KLB: variants seen among roughly 807,000 people sequenced by gnomAD.
The protein encoded by KLB is beta-klotho.
Under a neutral mutation model 88.4 loss-of-function variants are expected in KLB, and 44 were observed. The ratio of observed to expected loss-of-function variants is 0.50; its 90% CI spans 0.39 to 0.64. KLB has a LOEUF of 0.64. Ranked by LOEUF, KLB falls within the 30% of genes least tolerant of loss-of-function variation. The probability of loss-of-function intolerance (pLI) is 0.00; values close to 1 mark genes in which losing one functional copy is unlikely to be tolerated. For missense variants in KLB, 1,137 were observed against 1,304.8 expected, an observed-to-expected ratio of 0.87 and a Z score of 1.98; for synonymous variants, 548 against 513.4, an observed-to-expected ratio of 1.07 and a Z score of -0.91.
intron 1 of KLB, among the ~76,000 whole-genome samples, chr4:39,431,178 C>T (rs1422090872): frequency 4.6e-5 from 7 of 150,772 alleles, no homozygotes. Flanking sequence ...AATCTTCCCA[C>T]CTTGGCCTCC....
intron 1 of KLB, among the ~76,000 whole-genome samples, chr4:39,424,878 C>T (rs886343081): frequency 1.3e-5 from 2 of 152,098 alleles, no homozygotes; most frequent in African/African-American, 4.8e-5. Context: ...ATCCACCCGC[C>T]TCGGCCTCCC....
At chr4:39,419,938 T>A (rs1743044358) in intron 1 of KLB, among the ~76,000 whole-genome samples, 1 of 74,462 alleles carries the variant, frequency 1.3e-5, no homozygotes, top group African/African-American at 7.1e-5. Context: ...GAACAAAACT[T>A]CATCTCAAAA....
At chr4:39,409,444 C>T (rs1440200883) in intron 1 of KLB, among the ~76,000 whole-genome samples, 2 of 151,406 alleles carry the variant, frequency 1.3e-5, no homozygotes, top group East Asian at 4.0e-4. Context: ...AGGCACATGC[C>T]ACCAGCCCAG....
chr4:39,433,903 C>G (rs1408267612), intron 1 of KLB, among the ~76,000 whole-genome samples: 2 of 152,054 alleles, frequency 1.3e-5, no homozygotes, highest in Non-Finnish European at 2.9e-5. Flanking sequence ...TGCTATGTAT[C>G]TTCTTATGTA....
In KLB at chr4:39,434,650, C is replaced by G; in HGVS notation, c.1266C>G (p.Asp422Glu). ...TTGCTGAGAATGGCTGGTTCACAGA[C>G]AGTCGTGTGAAAACAGAAGACACCA... ...ILIAENGWFT[D>E]SRVKTEDTTA... The change falls in exon 2 of 5, where the codon GAC becomes GAG. Residue 422 changes from aspartate (D) to glutamate (E), a missense_variant. By Grantham distance (45) the Asp-to-Glu change is conservative. Around this residue, in one of 4 missense-constraint regions of KLB, gnomAD observed 597 missense variants for 765.2 expected, o/e 0.78. Transcript: ENST00000257408. 1 of 1,613,626 alleles carries G rather than the reference C, an allele frequency of 6.2e-7. No homozygotes were observed. Among genetic ancestry groups the G allele is most frequent in the Non-Finnish European group, 8.5e-7 (1 of 1,179,538 alleles).
intron 3 of KLB, among the ~76,000 whole-genome samples, chr4:39,444,833 G>A (rs1743699660): frequency 6.6e-6 from 1 of 152,154 alleles, no homozygotes; most frequent in African/African-American, 2.4e-5. Context: ...TTAGTTTAAT[G>A]TTCTAGATAA....
In KLB at chr4:39,450,533, A is replaced by C. The variant is rs1308657524; in HGVS notation, c.*1847A>C. The C allele has an allele frequency of 6.6e-6, 1 of 152,202 alleles. No individual in the cohort carries two copies. Among genetic ancestry groups the C allele is most frequent in the African/African-American group, 2.4e-5 (1 of 41,468 alleles). 9.4% of individuals were successfully genotyped at this position (152,202 alleles called of 1,614,324 possible). On this transcript the variant is annotated 3_prime_UTR_variant, in exon 5 of 5. Transcript: ENST00000257408. Reference sequence around the variant, plus strand: ...TTTGGCCTGGCAAATGGGAACAGTAAAATTCTGCTTTACTCTTCTCTAGTC... The same window carrying C: ...TTTGGCCTGGCAAATGGGAACAGTACAATTCTGCTTTACTCTTCTCTAGTC...
chr4:39,424,955 C>A (rs1026381259), intron 1 of KLB, among the ~76,000 whole-genome samples: 4 of 152,086 alleles, frequency 2.6e-5, no homozygotes, highest in Non-Finnish European at 4.4e-5. Context: ...TGTTGACTAT[C>A]TGTATTCCCA....
In KLB at chr4:39,434,142, A is replaced by G. The variant is rs916089115; in HGVS notation, c.826-68A>G. On this transcript the variant is annotated intron_variant, in intron 1 of 4. Coordinates refer to ENST00000257408, the MANE Select transcript of KLB (RefSeq NM_175737.4). ...CATTAATTTTATCCATGAAAAGGCC[A>G]TTTACCAGCCATGTTACAGCCCTTG... 8.2e-5 allele frequency: 117 copies of G among 1,423,134 alleles called. No individual in the cohort carries two copies. In the African/African-American group the frequency reaches 1.5e-3, roughly 19 times the overall value. 88.2% of individuals were successfully genotyped at this position (1,423,134 alleles called of 1,614,324 possible).
chr4:39,447,528 A>G, intron 4 of KLB, 53 bp downstream of exon 4: 1 of 1,426,490 alleles, frequency 7.0e-7, no homozygotes, highest in Non-Finnish European at 9.4e-7. Context: ...CTGTTACCTG[A>G]CAAGAACAAA....
chr4:39,419,599 C>A (rs1427043437), intron 1 of KLB, among the ~76,000 whole-genome samples: 1 of 151,804 alleles, frequency 6.6e-6, no homozygotes, highest in East Asian at 1.9e-4. Context: ...CATAGTGAAA[C>A]CTGTCTCTAC....
At chr4:39,428,326 G>A (rs570692907) in intron 1 of KLB, among the ~76,000 whole-genome samples, 1 of 152,020 alleles carries the variant, frequency 6.6e-6, no homozygotes, top group African/African-American at 2.4e-5. Flanking sequence ...TACTCAGGAG[G>A]CTGAGGCAGA....
intron 1 of KLB, among the ~76,000 whole-genome samples, chr4:39,420,407 G>A (rs1479434823): frequency 6.6e-6 from 1 of 152,130 alleles, no homozygotes; most frequent in South Asian, 2.1e-4. Context: ...ATTCAGAGTA[G>A]CTGAACTTTA....
At chr4:39,443,758 CAA>C (rs56820388) in intron 3 of KLB, among the ~76,000 whole-genome samples, 36,701 of 110,966 alleles carry the variant, frequency 0.33, 5,085 homozygotes, top group African/African-American at 0.39. Context: ...GAGACTTTGT[CAA>C]AAAAAAAAAA....
chr4:39,422,464 GT>G (rs1237228607), intron 1 of KLB, among the ~76,000 whole-genome samples: 2 of 152,026 alleles, frequency 1.3e-5, no homozygotes, highest in Non-Finnish European at 2.9e-5. Context: ...CCACCCCCTG[GT>G]TTCCTCTCCT....
chr4:39,429,706 CCCCTACTAA>C (rs1302283968), intron 1 of KLB, among the ~76,000 whole-genome samples: 1 of 152,150 alleles, frequency 6.6e-6, no homozygotes, highest in Non-Finnish European at 1.5e-5. Flanking sequence ...AGGTTGCACT[CCCCTACTAA>C]CCTCATTTTA....
At chr4:39,409,605 A>G (rs1449909577) in intron 1 of KLB, among the ~76,000 whole-genome samples, 4 of 151,458 alleles carry the variant, frequency 2.6e-5, no homozygotes, top group African/African-American at 9.7e-5. Flanking sequence ...TTTAATTTTT[A>G]AAACAATTCA....
At chr4:39,414,683 A>G (rs1273718344) in intron 1 of KLB, among the ~76,000 whole-genome samples, 2 of 151,776 alleles carry the variant, frequency 1.3e-5, no homozygotes, top group Non-Finnish European at 2.9e-5. Context: ...AGCCTGGCCA[A>G]CATGGTGAAA....
intron 1 of KLB, among the ~76,000 whole-genome samples, chr4:39,433,971 G>A (rs1228992841): frequency 2.0e-5 from 3 of 152,222 alleles, no homozygotes; most frequent in African/African-American, 7.2e-5. Context: ...CAGGCAGAGG[G>A]GAAATAAGAG....
Sources: allele counts gnomAD v4.1 joint callset (sites outside exome capture counted in the v4.1 genomes callset), GRCh38; gene constraint gnomAD v4.1.1; regional missense constraint gnomAD v4.1.1; transcripts MANE v1.5; gene names NCBI Gene and HGNC (gene_info 2026-07-23, HGNC 2026-07-21).